Variants in TRPS1 observed in about 807,000 individuals in gnomAD.
TRPS1 encodes the protein zinc finger transcription factor Trps1.
In TRPS1, 6 loss-of-function variants were observed where a neutral mutation model predicts 101.2. That is an observed-to-expected ratio of 0.06 (90% CI 0.03 to 0.12). The LOEUF (loss-of-function observed/expected upper bound fraction) is 0.12. TRPS1 is among the 10% of genes least tolerant of loss of function. The pLI is 1.00. For synonymous variants in TRPS1, 578 were observed against 589.8 expected, an observed-to-expected ratio of 0.98 and a Z score of 0.29; for missense variants, 1,363 against 1,567.0, an observed-to-expected ratio of 0.87 and a Z score of 2.20.
chr8:115,531,545 G>A (rs1015966834), intron 5 of TRPS1, among the ~76,000 whole-genome samples: 9 of 152,114 alleles, frequency 5.9e-5, no homozygotes, highest in African/African-American at 2.2e-4. Flanking sequence ...TGGTAGAAAG[G>A]AAGACTGAAA....
At chr8:115,494,855 G>T (rs559720079) in intron 5 of TRPS1, among the ~76,000 whole-genome samples, 2 of 152,168 alleles carry the variant, frequency 1.3e-5, no homozygotes, top group Non-Finnish European at 2.9e-5. Flanking sequence ...GTAAGATTAG[G>T]ATGTTTTTCG....
At chr8:115,449,439 C>G (rs1813813808) in intron 5 of TRPS1, among the ~76,000 whole-genome samples, 1 of 152,178 alleles carries the variant, frequency 6.6e-6, no homozygotes, top group Non-Finnish European at 1.5e-5. Context: ...CTGAAAAATA[C>G]CCTGAAGGCC....
intron 1 of TRPS1, among the ~76,000 whole-genome samples, chr8:115,635,880 T>G (rs1316312748): frequency 1.3e-5 from 2 of 152,200 alleles, no homozygotes; most frequent in Non-Finnish European, 2.9e-5. Context: ...AAATTTGTTT[T>G]CCTGAAAACA....
chr8:115,534,653 T>C (rs1816237361), intron 5 of TRPS1, among the ~76,000 whole-genome samples: 2 of 152,228 alleles, frequency 1.3e-5, no homozygotes, highest in Non-Finnish European at 2.9e-5. Flanking sequence ...CCAAAACTCA[T>C]TCTCTTTCTC....
At chr8:115,471,294 G>A (rs1191576689) in intron 5 of TRPS1, among the ~76,000 whole-genome samples, 2 of 152,090 alleles carry the variant, frequency 1.3e-5, no homozygotes, top group South Asian at 2.1e-4. Flanking sequence ...AAGGGGAAGC[G>A]AACATATCCT....
chr8:115,574,730 C>T lies in TRPS1; in HGVS notation c.2700+12271G>A, dbSNP rs1281843028. Among the ~76,000 whole-genome samples the T allele has an allele frequency of 3.4e-5, 4 of 116,346 alleles. No individual in the cohort carries two copies. In the East Asian group the frequency reaches 1.1e-3, roughly 32 times the overall value. The allele number at this position is 116,346 out of a possible 152,430, so 76.3% of individuals were successfully genotyped here. A position where few individuals can be genotyped will look rare whatever the true frequency, so the allele number is the denominator to read the frequency against. On this transcript the variant is annotated intron_variant, in intron 5 of 6. Coordinates refer to ENST00000395715, the MANE Select transcript of TRPS1 (RefSeq NM_014112.5). ...GACATATTAAGAAATGTTTTGAAGG[C>T]AGTTAAATCCCATATATATATATAA... is the stretch of plus-strand genomic sequence containing the variant.
chr8:115,583,266 A>C (rs889379092), intron 5 of TRPS1, among the ~76,000 whole-genome samples: 2 of 75,876 alleles, frequency 2.6e-5, no homozygotes, highest in Admixed American at 1.3e-4. Context: ...GTAGATGTAC[A>C]TCATAAAAAA....
chr8:115,533,722 A>C (rs1208979855), intron 5 of TRPS1, among the ~76,000 whole-genome samples: 2 of 151,804 alleles, frequency 1.3e-5, no homozygotes, highest in South Asian at 2.1e-4. Context: ...AACAGAAATA[A>C]ATTTTCTCAC....
At chr8:115,478,843 G>T (rs1563760150) in intron 5 of TRPS1, among the ~76,000 whole-genome samples, 1 of 146,132 alleles carries the variant, frequency 6.8e-6, no homozygotes, top group African/African-American at 2.5e-5. Context: ...GTATATAAAT[G>T]TATATATGTA....
chr8:115,636,936 C>G (rs200878606), intron 1 of TRPS1, among the ~76,000 whole-genome samples: 29 of 147,006 alleles, frequency 2.0e-4, no homozygotes, highest in Admixed American at 2.7e-4. Flanking sequence ...ACAAAAAAAG[C>G]AAAAAAAAAA....
chr8:115,479,843 A>G (rs937994393), intron 5 of TRPS1, among the ~76,000 whole-genome samples: 9 of 152,160 alleles, frequency 5.9e-5, no homozygotes, highest in Non-Finnish European at 1.0e-4. Flanking sequence ...TATATTTCTT[A>G]GAAGATTCTC....
chr8:115,571,297 TCA>T lies in TRPS1; in HGVS notation c.2700+15702_2700+15703del, dbSNP rs371956591. Among the ~76,000 whole-genome samples, 619 of 152,334 alleles carry T rather than the reference TCA, an allele frequency of 4.1e-3. 10 individuals carry two copies. The South Asian group carries it at 0.046, about 11-fold the overall frequency. On this transcript the variant is annotated intron_variant, in intron 5 of 6. Transcript: ENST00000395715. ...AGAACTACCATAAATTCTGTGATCA[TCA>T]CACAACGAAGTGTGGCTGATTTTTT...
intron 5 of TRPS1, among the ~76,000 whole-genome samples, chr8:115,440,696 A>T (rs1441625212): frequency 6.6e-6 from 1 of 152,242 alleles, no homozygotes; most frequent in African/African-American, 2.4e-5. Flanking sequence ...AATACAAAAT[A>T]CATTACAGAA....
At chr8:115,484,766 A>T (rs1297846665) in intron 5 of TRPS1, among the ~76,000 whole-genome samples, 1 of 152,212 alleles carries the variant, frequency 6.6e-6, no homozygotes, top group Non-Finnish European at 1.5e-5. Flanking sequence ...CTGAACATTT[A>T]AAAACTGCTA....
chr8:115,647,014 T>C (rs1309881846), intron 1 of TRPS1, among the ~76,000 whole-genome samples: 1 of 152,184 alleles, frequency 6.6e-6, no homozygotes, highest in Non-Finnish European at 1.5e-5. Flanking sequence ...TTTTTGTTTA[T>C]TTATTTTAAA....
rs1269939865 is a variant in TRPS1 at position 115,587,218 on chromosome 8, G to A, written c.2483C>T (p.Thr828Met). 3 of 1,614,076 alleles carry A rather than the reference G, an allele frequency of 1.9e-6. No homozygotes were observed. The highest frequency in any genetic ancestry group is 2.5e-6 in the Non-Finnish European group (3 of 1,180,032). ...SYTQASLGLL[T>M]PVSGTQEQTK... ...CTGCTCTTGGGTGCCAGACACAGGC[G>A]TCAGCAGCCCCAGGCTTGCTTGGGT... The change falls in exon 5 of 7, where the codon ACG becomes ATG. Residue 828 changes from threonine (T) to methionine (M), a missense_variant. Physicochemically the swap from Thr to Met is moderately conservative, Grantham distance 81. Coordinates refer to ENST00000395715, the MANE Select transcript of TRPS1 (RefSeq NM_014112.5).
In TRPS1 at chr8:115,473,108, C is replaced by T. The variant is rs533627367; in HGVS notation, c.2701-54656G>A. On this transcript the variant is annotated intron_variant, in intron 5 of 6. Transcript: ENST00000395715. The stretch of plus-strand genomic sequence containing the variant: ...TTTTCAGTGTCTTTACAGCAGTGCC[C>T]CACTCTACTGGTACCAATTTACTGT... Among the ~76,000 whole-genome samples the T allele has an allele frequency of 1.2e-4, 18 of 152,290 alleles. 1 individual carries two copies. The South Asian group carries it at 3.7e-3, about 32-fold the overall frequency.
At chr8:115,646,227 G>C (rs573788340) in intron 1 of TRPS1, among the ~76,000 whole-genome samples, 1 of 152,112 alleles carries the variant, frequency 6.6e-6, no homozygotes, top group East Asian at 1.9e-4. Flanking sequence ...CAAAACCTGT[G>C]CCCAGGTACT....
intron 5 of TRPS1, among the ~76,000 whole-genome samples, chr8:115,527,215 T>C (rs1169375000): frequency 6.6e-6 from 1 of 152,094 alleles, no homozygotes; most frequent in Admixed American, 6.6e-5. Flanking sequence ...CGCCTTCTTA[T>C]TAATTTTTAG....
Sources: allele counts gnomAD v4.1 joint callset (sites outside exome capture counted in the v4.1 genomes callset), GRCh38; gene constraint gnomAD v4.1.1; transcripts MANE v1.5; gene names NCBI Gene and HGNC (gene_info 2026-07-23, HGNC 2026-07-21).